PLA2G4E: variants seen among roughly 807,000 people sequenced by gnomAD.
The protein encoded by PLA2G4E is phospholipase A2 group IVE.
Under a neutral mutation model 109.1 loss-of-function variants are expected in PLA2G4E, and 84 were observed. The ratio of observed to expected loss-of-function variants is 0.77; its 90% CI spans 0.65 to 0.92. The LOEUF (loss-of-function observed/expected upper bound fraction) is 0.92. Among genes scored for constraint, PLA2G4E ranks in the 40% least tolerant of loss-of-function variants. The probability of loss-of-function intolerance (pLI) is 0.00; values close to 1 mark genes in which losing one functional copy is unlikely to be tolerated. For missense variants in PLA2G4E, 1,057 were observed against 1,076.6 expected (o/e 0.98, Z 0.25); for synonymous variants, 469 against 436.1 (o/e 1.08, Z -0.94).
In PLA2G4E at chr15:41,989,562, A is replaced by C. The variant is rs1271770841; in HGVS notation, c.1586-10T>G. 6.2e-7 allele frequency: 1 copy of C among 1,611,328 alleles called. No homozygotes were observed. ...GAGAACTCGAACCACTCTGCACATG[A>C]AGCAGCAGGACGGGGGTCAGTCTCA... On this transcript the variant is annotated splice_polypyrimidine_tract_variant and intron_variant, in intron 14 of 19. Transcript: ENST00000399518.
intron 17 of PLA2G4E, among the ~76,000 whole-genome samples, chr15:41,986,579 G>A (rs150138217): frequency 1.7e-3 from 255 of 151,596 alleles, no homozygotes; most frequent in African/African-American, 5.8e-3. Context: ...GTGCAGTGGC[G>A]TGATCATGGC....
At chr15:42,023,816 A>G (rs147019066) in intron 1 of PLA2G4E, among the ~76,000 whole-genome samples, 1 of 152,108 alleles carries the variant, frequency 6.6e-6, no homozygotes, top group Admixed American at 6.5e-5. Context: ...CTGTCTATCA[A>G]CTCCTCAGAG....
intron 13 of PLA2G4E, 63 bp from the exon 14 acceptor site, chr15:41,990,298 A>C: frequency 6.9e-7 from 1 of 1,450,452 alleles, no homozygotes; most frequent in Admixed American, 1.7e-5. Context: ...GGCAGTGCAG[A>C]ATGAGAAGAC....
At chr15:41,993,835 T>C (rs1402275313) in intron 12 of PLA2G4E, among the ~76,000 whole-genome samples, 1 of 152,168 alleles carries the variant, frequency 6.6e-6, no homozygotes, top group Non-Finnish European at 1.5e-5. Context: ...TCCATAAGCT[T>C]CACCCATTCA....
rs973575147 is a variant in PLA2G4E at position 42,050,671 on chromosome 15, G to A, written c.33C>T (p.Gly11=). 14 of 1,550,512 alleles carry A rather than the reference G, an allele frequency of 9.0e-6. 1 individual carries two copies. In the Middle Eastern group the frequency reaches 8.4e-4, roughly 93 times the overall value. Residue 11 remains glycine, a synonymous_variant, in exon 1 of 20, where the codon GGC becomes GGT. Transcript: ENST00000399518. ...GTGGGACAAACACATTAGTTCCCAG[G>A]CCAGGACAGCCTTCCGAGGCCTGGA... is the stretch of plus-strand genomic sequence containing the variant.
rs547258655 is a variant in PLA2G4E, at chr15:42,026,738, C to T, written c.184-12981G>A. 3.0e-4 allele frequency among the ~76,000 whole-genome samples: 46 copies of T among 152,078 alleles called. 2 individuals are homozygous for T. The highest frequency in any genetic ancestry group is 2.4e-3 in the Admixed American group (37 of 15,268). On this transcript the variant is annotated intron_variant, in intron 1 of 19. Coordinates refer to ENST00000399518, the Ensembl canonical transcript of PLA2G4E. ...CTGTAATTCCAGTACTGTGAGAGGCCGAGGTGGGAGGATCATTTGAGGTCA... is the reference window on the plus strand; with the variant it reads ...CTGTAATTCCAGTACTGTGAGAGGCTGAGGTGGGAGGATCATTTGAGGTCA...
intron 1 of PLA2G4E, among the ~76,000 whole-genome samples, chr15:42,019,639 T>A (rs2068629131): frequency 6.6e-6 from 1 of 152,154 alleles, no homozygotes; most frequent in Non-Finnish European, 1.5e-5. Flanking sequence ...GGTGCTGTCT[T>A]CCAGAACATG....
At chr15:42,004,483 C>T (rs929595202) in intron 5 of PLA2G4E, among the ~76,000 whole-genome samples, 6 of 152,022 alleles carry the variant, frequency 3.9e-5, no homozygotes, top group Non-Finnish European at 5.9e-5. Context: ...CTCCCATTGA[C>T]GTGGTTCCAG....
intron 18 of PLA2G4E, among the ~76,000 whole-genome samples, chr15:41,984,883 C>T (rs1270190380): frequency 6.6e-6 from 1 of 152,190 alleles, no homozygotes; most frequent in Non-Finnish European, 1.5e-5. Flanking sequence ...CAAACACAGA[C>T]TTGGGTGGAT....
intron 1 of PLA2G4E, among the ~76,000 whole-genome samples, 178 bp downstream of exon 1, chr15:42,020,757 C>T (rs12917178): frequency 0.47 from 71,911 of 152,000 alleles, 18,127 homozygotes; most frequent in African/African-American, 0.63. Context: ...GATAAACCAC[C>T]TCCCCCAGGT....
Position 42,002,264 on chromosome 15 carries a change from C to CAAAAAA in PLA2G4E, c.609+384_609+389dup, listed in dbSNP as rs71108143. Among the ~76,000 whole-genome samples, 129 of 73,184 alleles carry CAAAAAA rather than the reference C, an allele frequency of 1.8e-3. 4 individuals are homozygous for CAAAAAA. The highest frequency in any genetic ancestry group is 7.0e-3 in the African/African-American group (113 of 16,176). 48.0% of individuals were successfully genotyped at this position (73,184 alleles called of 152,430 possible). A position where few individuals can be genotyped will look rare whatever the true frequency, so the allele number is the denominator to read the frequency against. On this transcript the variant is annotated intron_variant, in intron 6 of 19. Transcript: ENST00000399518. The stretch of plus-strand genomic sequence containing the variant: ...TGGGCGACAGAGTGAGACCTTGTCT[C>CAAAAAA]AAAAAAAAAAAAAAAAAAAAAAAGG...
intron 2 of PLA2G4E, among the ~76,000 whole-genome samples, chr15:42,010,696 C>T (rs1429506228): frequency 6.6e-6 from 1 of 152,178 alleles, no homozygotes; most frequent in East Asian, 1.9e-4. Context: ...TCTCTAATAC[C>T]TCTGGAGACA....
intron 1 of PLA2G4E, among the ~76,000 whole-genome samples, chr15:42,045,574 C>T (rs1016705320): frequency 2.0e-5 from 3 of 152,184 alleles, no homozygotes; most frequent in African/African-American, 4.8e-5. Flanking sequence ...AGAAAGATAA[C>T]GGGATGTTTA....
chr15:42,025,573 GT>G (rs1381969805), intron 1 of PLA2G4E, among the ~76,000 whole-genome samples: 1 of 152,068 alleles, frequency 6.6e-6, no homozygotes, highest in African/African-American at 2.4e-5. Flanking sequence ...AAGGCCCAAT[GT>G]TTTACTGGGA....
chr15:41,999,592 A>G, intron 9 of PLA2G4E, 31 bp from the exon 10 acceptor site: 1 of 1,608,420 alleles, frequency 6.2e-7, no homozygotes, highest in Admixed American at 1.7e-5. Context: ...AGCTTGTCAG[A>G]GGTGACAATT....
chr15:41,983,558 A>G (rs1050040428), exon 20 of PLA2G4E: 50 of 600,988 alleles, frequency 8.3e-5, no homozygotes, highest in Non-Finnish European at 2.1e-5. Context: ...TAAAACCCCA[A>G]CAGAGCTCCT....
chr15:41,986,892 A>G (rs2068150456), intron 17 of PLA2G4E: 3 of 463,396 alleles, frequency 6.5e-6, no homozygotes, highest in Non-Finnish European at 1.2e-5. Context: ...CATCTGTAAC[A>G]TGGGGCCAAC....
rs2068416386 is a variant in PLA2G4E at position 42,001,238 on chromosome 15, G to A, written c.610-18C>T. ...TGTCGAGACTGTAAAAAACAAAGGA[G>A]GGTCACAGAGTGTCTGAGCACCAGC... On this transcript the variant is annotated intron_variant, in intron 6 of 19. Coordinates refer to ENST00000399518, the Ensembl canonical transcript of PLA2G4E. 2 of 1,605,342 alleles carry A rather than the reference G, an allele frequency of 1.2e-6. No individual in the cohort carries two copies. Among genetic ancestry groups the A allele is most frequent in the African/African-American group, 1.3e-5 (1 of 74,678 alleles).
chr15:42,043,222 G>A (rs1424266040), intron 1 of PLA2G4E, among the ~76,000 whole-genome samples: 1 of 152,140 alleles, frequency 6.6e-6, no homozygotes, highest in African/African-American at 2.4e-5. Flanking sequence ...TCAGCTGCTG[G>A]AAGCATGTGG....
Sources: gnomAD v4.1 joint callset for allele counts (sites outside exome capture counted in the v4.1 genomes callset) on GRCh38, gnomAD v4.1.1 for gene constraint, MANE v1.5 for transcripts, NCBI Gene and HGNC (gene_info 2026-07-23, HGNC 2026-07-21) for gene names.